RIGI: variants seen among roughly 807,000 people sequenced by gnomAD.
The protein encoded by RIGI is RNA sensor RIG-I.
chr9:32,503,389 C>A, the RIGI span, among the ~76,000 whole-genome samples: 3 of 152,122 alleles, frequency 2.0e-5, no homozygotes, highest in Admixed American at 1.3e-4. Flanking sequence ...ACAATGCAGA[C>A]AAAACTTCAT....
chr9:32,490,714 G>A, the RIGI span, among the ~76,000 whole-genome samples: 1 of 152,176 alleles, frequency 6.6e-6, no homozygotes, highest in Non-Finnish European at 1.5e-5. Flanking sequence ...TATGCTTTGA[G>A]AAGCATAAGG....
chr9:32,466,690 C>CAAAAAAAA, the RIGI span, among the ~76,000 whole-genome samples: 14 of 68,602 alleles, frequency 2.0e-4, 1 homozygote, highest in African/African-American at 6.9e-4. Flanking sequence ...AGACCTATCT[C>CAAAAAAAA]AAAAAAAAAA....
chr9:32,458,877 C>T, the RIGI span, among the ~76,000 whole-genome samples: 1 of 146,514 alleles, frequency 6.8e-6, no homozygotes, highest in East Asian at 2.0e-4. Flanking sequence ...CACGTCATTG[C>T]ATTTAGCATG....
At chr9:32,462,383 T>TA in the RIGI span, among the ~76,000 whole-genome samples, 51 of 133,876 alleles carry the variant, frequency 3.8e-4, no homozygotes, top group African/African-American at 7.6e-4. Flanking sequence ...TTGCTTTATA[T>TA]AAAAAAAAAA....
chr9:32,495,450 C>G, the RIGI span, among the ~76,000 whole-genome samples: 1 of 151,992 alleles, frequency 6.6e-6, no homozygotes, highest in African/African-American at 2.4e-5. Context: ...ATCCACCCGC[C>G]TCGGCCTTCC....
At chr9:32,521,139 C>CAAAAAAAAAAAAAAAAAAAAAA in the RIGI span, among the ~76,000 whole-genome samples, 13 of 32,780 alleles carry the variant, frequency 4.0e-4, 1 homozygote, top group Non-Finnish European at 5.0e-4. Flanking sequence ...GACACCATCT[C>CAAAAAAAAAAAAAAAAAAAAAA]AAAAAAAAAA....
chr9:32,489,426 G>T, the RIGI span: 1 of 1,612,992 alleles, frequency 6.2e-7, no homozygotes. Context: ...GTTTAAATGG[G>T]CTGTACAAGT....
At chr9:32,508,334 G>T in the RIGI span, among the ~76,000 whole-genome samples, 1 of 142,932 alleles carries the variant, frequency 7.0e-6, no homozygotes, top group South Asian at 2.2e-4. Flanking sequence ...AACAGCTCCG[G>T]TCTGCAGCTC....
At chr9:32,455,677 G>GA in the RIGI span, 1 of 149,434 alleles carries the variant, frequency 6.7e-6, no homozygotes, top group East Asian at 2.1e-4. Context: ...AATACAAATA[G>GA]AAAATGAAAA....
chr9:32,500,776 T>C, the RIGI span: 1 of 1,602,450 alleles, frequency 6.2e-7, no homozygotes, highest in Non-Finnish European at 8.5e-7. Flanking sequence ...TAATATCCTC[T>C]GATTTGTGAT....
chr9:32,479,304 T>C, the RIGI span, among the ~76,000 whole-genome samples: 1 of 152,212 alleles, frequency 6.6e-6, no homozygotes, highest in East Asian at 1.9e-4. Context: ...TACATATATA[T>C]GCATACATTT....
At chr9:32,490,702 A>C in the RIGI span, among the ~76,000 whole-genome samples, 1 of 152,212 alleles carries the variant, frequency 6.6e-6, no homozygotes, top group Non-Finnish European at 1.5e-5. Flanking sequence ...CCATCAAGAA[A>C]ATATGCTTTG....
the RIGI span, among the ~76,000 whole-genome samples, chr9:32,525,627 T>TTTAA: frequency 6.6e-6 from 1 of 152,208 alleles, no homozygotes; most frequent in Non-Finnish European, 1.5e-5. Context: ...ATCAACTTCC[T>TTTAA]TTAAGCTCAG....
chr9:32,486,432 C>A, the RIGI span, among the ~76,000 whole-genome samples: 1 of 129,774 alleles, frequency 7.7e-6, no homozygotes, highest in South Asian at 2.4e-4. Flanking sequence ...CCAGCCTGGG[C>A]AACAGCACGA....
chr9:32,478,146 C>T, the RIGI span, among the ~76,000 whole-genome samples: 11 of 151,604 alleles, frequency 7.3e-5, no homozygotes, highest in Non-Finnish European at 1.0e-4. Context: ...TGAGTTCAAG[C>T]GATTCTTCTG....
chr9:32,463,610 C>A, the RIGI span, among the ~76,000 whole-genome samples: 1 of 152,114 alleles, frequency 6.6e-6, no homozygotes, highest in Non-Finnish European at 1.5e-5. Context: ...AAAACTATTA[C>A]AGCTATACTT....
chr9:32,493,133 G>A, the RIGI span, among the ~76,000 whole-genome samples: 7 of 152,160 alleles, frequency 4.6e-5, no homozygotes. Flanking sequence ...GCTAGTGGTT[G>A]AGCTATGATT....
the RIGI span, among the ~76,000 whole-genome samples, chr9:32,470,836 G>T: frequency 6.6e-6 from 1 of 152,192 alleles, no homozygotes. Context: ...AACAAATTCA[G>T]CTAAAATTGT....
At chr9:32,473,829 A>C in the RIGI span, among the ~76,000 whole-genome samples, 5 of 152,122 alleles carry the variant, frequency 3.3e-5, no homozygotes, top group African/African-American at 1.2e-4. Flanking sequence ...GGAGTTCAAG[A>C]CCAACCTCGG....
Sources: gnomAD v4.1 joint callset for allele counts (sites outside exome capture counted in the v4.1 genomes callset) on GRCh38, gnomAD v4.1.1 for gene constraint, MANE v1.5 for transcripts, NCBI Gene and HGNC (gene_info 2026-07-23, HGNC 2026-07-21) for gene names.